The following PDGFC variants were observed in gnomAD, a reference collection of about 807,000 sequenced individuals.
PDGFC encodes the protein platelet-derived growth factor C.
A neutral mutation model predicts 35.5 loss-of-function variants in PDGFC; 12 were observed. That is an observed-to-expected ratio of 0.34 (90% confidence interval 0.22 to 0.55). The LOEUF is 0.55. Among genes scored for constraint, PDGFC ranks in the 20% least tolerant of loss-of-function variants. PDGFC has a pLI of 0.91. For missense variants in PDGFC, 322 were observed against 412.4 expected (o/e 0.78, Z 1.90); for synonymous variants, 159 against 148.8 (o/e 1.07, Z -0.50).
intron 2 of PDGFC, among the ~76,000 whole-genome samples, chr4:156,823,721 C>A (rs139665383): frequency 2.6e-5 from 4 of 152,228 alleles, no homozygotes; most frequent in Non-Finnish European, 5.9e-5. Context: ...TATGACCCAG[C>A]AATACCACTA....
chr4:156,960,219 TAC>T (rs1732308538), intron 1 of PDGFC, among the ~76,000 whole-genome samples: 2 of 147,208 alleles, frequency 1.4e-5, no homozygotes. Context: ...AATGCAAAGA[TAC>T]AGTTGAAGCC....
At chr4:156,836,393 G>A (rs990616130) in intron 2 of PDGFC, among the ~76,000 whole-genome samples, 1 of 152,070 alleles carries the variant, frequency 6.6e-6, no homozygotes, top group Admixed American at 6.6e-5. Flanking sequence ...ATTTAAATGA[G>A]GATCTTTTCA....
intron 3 of PDGFC, among the ~76,000 whole-genome samples, chr4:156,790,293 T>C (rs564668313): frequency 6.6e-6 from 1 of 152,314 alleles, no homozygotes; most frequent in South Asian, 2.1e-4. Flanking sequence ...TTATTGCAAG[T>C]AGCTTCAAAG....
At chr4:156,900,440 A>C (rs1468462489) in intron 1 of PDGFC, among the ~76,000 whole-genome samples, 1 of 152,194 alleles carries the variant, frequency 6.6e-6, no homozygotes, top group Non-Finnish European at 1.5e-5. Context: ...TAGGACACGT[A>C]GAGTAACAGA....
Position 156,951,272 on chromosome 4 carries a change from A to G in PDGFC, c.118+19514T>C, listed in dbSNP as rs116891953. The stretch of plus-strand genomic sequence containing the variant: ...TCACAACAGTGTTTAAATTTATTCA[A>G]TCAGATTTCATTGTGAGGCTTCATT... On this transcript the variant is annotated intron_variant, in intron 1 of 5. Transcript: ENST00000502773. Among the ~76,000 whole-genome samples the G allele has an allele frequency of 4.0e-3, 606 of 152,018 alleles. 21 individuals carry two copies. In the East Asian group the frequency reaches 0.099, roughly 25 times the overall value.
intron 1 of PDGFC, among the ~76,000 whole-genome samples, chr4:156,906,150 A>C (rs1369890666): frequency 6.6e-6 from 1 of 152,182 alleles, no homozygotes; most frequent in African/African-American, 2.4e-5. Flanking sequence ...AACAAGTAAG[A>C]ATATTTTAAA....
At chr4:156,808,190 G>C (rs982046698) in intron 3 of PDGFC, among the ~76,000 whole-genome samples, 1 of 151,964 alleles carries the variant, frequency 6.6e-6, no homozygotes, top group African/African-American at 2.4e-5. Context: ...AGCTCCCTGT[G>C]GGTTTTGGAC....
intron 1 of PDGFC, among the ~76,000 whole-genome samples, chr4:156,929,421 T>C (rs1867217): frequency 0.091 from 13,506 of 148,884 alleles, 1,805 homozygotes; most frequent in African/African-American, 0.29. Flanking sequence ...GCATATCTTA[T>C]AATGACCATT....
intron 1 of PDGFC, among the ~76,000 whole-genome samples, chr4:156,872,088 G>A (rs1489579347): frequency 2.0e-5 from 3 of 152,166 alleles, no homozygotes; most frequent in Middle Eastern, 3.4e-3. Context: ...AATGGAAGAC[G>A]ACTAAAACTC....
intron 2 of PDGFC, among the ~76,000 whole-genome samples, chr4:156,830,168 T>C (rs1454796014): frequency 1.3e-5 from 2 of 151,896 alleles, no homozygotes; most frequent in South Asian, 4.1e-4. Context: ...AATTAAAATA[T>C]GAAAAGTACA....
chr4:156,942,986 G>A (rs536310269), intron 1 of PDGFC, among the ~76,000 whole-genome samples: 7 of 152,120 alleles, frequency 4.6e-5, no homozygotes, highest in African/African-American at 1.7e-4. Context: ...AGGTTAAAAT[G>A]AGCATTAGTA....
intron 1 of PDGFC, among the ~76,000 whole-genome samples, chr4:156,910,682 C>T (rs1448334391): frequency 6.6e-6 from 1 of 152,104 alleles, no homozygotes; most frequent in Non-Finnish European, 1.5e-5. Flanking sequence ...TCCATTTTCT[C>T]CACATCCTCA....
Position 156,810,975 on chromosome 4 carries a change from T to C in PDGFC, c.357A>G (p.Ile119Met). The C allele has an allele frequency of 1.3e-6, 2 of 1,598,730 alleles. No individual in the cohort carries two copies. The highest frequency in any genetic ancestry group is 8.5e-7 in the Non-Finnish European group (1 of 1,173,620). Reference protein sequence around the residue: ...VEVEEPSDGTILGRWCGSGTV... With the variant: ...VEVEEPSDGTMLGRWCGSGTV... Reference sequence around the variant, plus strand: ...TACCAGAACCACACCAGCGCCCTAATATAGTTCCATCACTGGGTTCCTCAA... The same window carrying C: ...TACCAGAACCACACCAGCGCCCTAACATAGTTCCATCACTGGGTTCCTCAA... The change falls in exon 3 of 6, where the codon ATA becomes ATG. Residue 119 changes from isoleucine (I) to methionine (M), a missense_variant. Around this residue, in one of 2 missense-constraint regions of PDGFC, gnomAD observed 202 missense variants for 295.9 expected, o/e 0.68. Transcript: ENST00000502773.
intron 1 of PDGFC, among the ~76,000 whole-genome samples, chr4:156,954,005 AAAAT>A (rs1252103468): frequency 6.6e-6 from 1 of 152,134 alleles, no homozygotes; most frequent in South Asian, 2.1e-4. Context: ...AATGAACATG[AAAAT>A]AAATAGTCTG....
At chr4:156,771,327 C>T (rs1169493426) in intron 4 of PDGFC, among the ~76,000 whole-genome samples, 8 of 152,138 alleles carry the variant, frequency 5.3e-5, no homozygotes. Flanking sequence ...GCCCCTGCTT[C>T]TTACAGATCA....
chr4:156,855,152 CT>C (rs1303115702), intron 1 of PDGFC, among the ~76,000 whole-genome samples: 3 of 152,042 alleles, frequency 2.0e-5, no homozygotes, highest in Non-Finnish European at 4.4e-5. Flanking sequence ...CAGTTTAGCA[CT>C]TAAAATCAAA....
At chr4:156,787,537 G>A (rs1364824492) in intron 3 of PDGFC, among the ~76,000 whole-genome samples, 1 of 152,176 alleles carries the variant, frequency 6.6e-6, no homozygotes, top group Non-Finnish European at 1.5e-5. Context: ...GACAACATGC[G>A]TGGTAGCTGG....
chr4:156,769,383 T>C (rs1198709367), intron 4 of PDGFC, among the ~76,000 whole-genome samples: 1 of 151,906 alleles, frequency 6.6e-6, no homozygotes, highest in African/African-American at 2.4e-5. Context: ...ATTGTCTTAA[T>C]TGTCTTTGAT....
At chr4:156,797,286 C>T (rs1353905983) in intron 3 of PDGFC, among the ~76,000 whole-genome samples, 1 of 149,290 alleles carries the variant, frequency 6.7e-6, no homozygotes, top group Non-Finnish European at 1.5e-5. Context: ...TTAAATTTAA[C>T]AGAGCTTAAT....
Sources: gnomAD v4.1 joint callset for allele counts (sites outside exome capture counted in the v4.1 genomes callset) on GRCh38, gnomAD v4.1.1 for gene constraint, gnomAD v4.1.1 regional missense constraint, MANE v1.5 for transcripts, NCBI Gene and HGNC (gene_info 2026-07-23, HGNC 2026-07-21) for gene names.